Variants in BNC2 observed in about 807,000 individuals in gnomAD.
BNC2 encodes the protein zinc finger protein basonuclin-2.
A neutral mutation model predicts 76.3 loss-of-function variants in BNC2; 20 were observed. That is an observed-to-expected ratio of 0.26 (90% CI 0.18 to 0.38). BNC2 has a LOEUF of 0.38. BNC2 is among the 10% of genes least tolerant of loss of function. BNC2 has a pLI of 1.00. For missense variants in BNC2, 1,382 were observed against 1,399.8 expected (o/e 0.99, Z 0.20); for synonymous variants, 582 against 514.8 (o/e 1.13, Z -1.77).
intron 4 of BNC2, among the ~76,000 whole-genome samples, chr9:16,570,201 A>C (rs957338551): frequency 3.3e-5 from 5 of 152,194 alleles, no homozygotes; most frequent in African/African-American, 4.8e-5. Context: ...TTAAACTATC[A>C]CATGTGAAAA....
At chr9:16,451,951 G>T (rs1204011932) in intron 5 of BNC2, among the ~76,000 whole-genome samples, 2 of 152,140 alleles carry the variant, frequency 1.3e-5, no homozygotes, top group Non-Finnish European at 2.9e-5. Context: ...TACATAGAAG[G>T]AAATTAACAA....
At chr9:16,610,895 CACTT>C (rs1220346479) in intron 3 of BNC2, among the ~76,000 whole-genome samples, 1 of 152,156 alleles carries the variant, frequency 6.6e-6, no homozygotes, top group Admixed American at 6.5e-5. Context: ...AAGTAGCTGT[CACTT>C]AGGCTGCCAC....
intron 4 of BNC2, among the ~76,000 whole-genome samples, chr9:16,559,893 G>C (rs1237865327): frequency 6.6e-6 from 1 of 152,218 alleles, no homozygotes; most frequent in African/African-American, 2.4e-5. Flanking sequence ...TTCAAAAGCA[G>C]ACAGATGTAG....
At chr9:16,435,179 T>C (rs1820980681) in intron 6 of BNC2, 2 of 390,730 alleles carry the variant, frequency 5.1e-6, no homozygotes, top group East Asian at 7.6e-5. Flanking sequence ...GAAATATAAA[T>C]ATATAAATAT....
At chr9:16,480,303 T>C (rs746590043) in intron 5 of BNC2, among the ~76,000 whole-genome samples, 2 of 152,186 alleles carry the variant, frequency 1.3e-5, no homozygotes, top group African/African-American at 2.4e-5. Flanking sequence ...GAAAACCCAA[T>C]CTGTTAAATC....
At chr9:16,530,555 T>C (rs1817945211) in intron 5 of BNC2, among the ~76,000 whole-genome samples, 1 of 152,188 alleles carries the variant, frequency 6.6e-6, no homozygotes, top group African/African-American at 2.4e-5. Context: ...AACATGATAT[T>C]ATGCTGAGAA....
At position 16,419,349 on chromosome 9, in the gene BNC2, G is replaced by A. The variant is rs758600271; in HGVS notation, c.2940C>T (p.Ser980=). The A allele has an allele frequency of 3.0e-5, 49 of 1,610,092 alleles. No homozygotes were observed. The highest frequency in any genetic ancestry group is 2.4e-4 in the South Asian group (22 of 90,662). The change falls in exon 7 of 7, where the codon TCC becomes TCT. Residue 980 remains serine (S), a synonymous_variant. Coordinates refer to ENST00000380672, the MANE Select transcript of BNC2 (RefSeq NM_017637.6). The part of the protein sequence containing the change: ...SSSSIHSSRE[S]DAGSDEGILL... ...GAATCCCCTCATCGCTGCCTGCGTC[G>A]GATTCTCTGGAGGAATGGATACTGC...
chr9:16,796,452 C>A, intron 1 of BNC2, among the ~76,000 whole-genome samples: 1 of 151,816 alleles, frequency 6.6e-6, no homozygotes, highest in East Asian at 1.9e-4. Flanking sequence ...GTATAGGAGA[C>A]TGCTTAATAA....
At chr9:16,656,433 G>C (rs1456346518) in intron 3 of BNC2, among the ~76,000 whole-genome samples, 1 of 152,156 alleles carries the variant, frequency 6.6e-6, no homozygotes, top group Non-Finnish European at 1.5e-5. Flanking sequence ...ACCAGTAGGA[G>C]AAACAGCCTC....
At chr9:16,595,286 A>G (rs1419106603) in intron 3 of BNC2, among the ~76,000 whole-genome samples, 2 of 152,160 alleles carry the variant, frequency 1.3e-5, no homozygotes, top group Non-Finnish European at 1.5e-5. Flanking sequence ...CTCTGATTAT[A>G]AAAGAATATG....
rs961020032 is a variant in BNC2 at position 16,774,506 on chromosome 9, G to A, written c.4-36021C>T. 6.6e-5 allele frequency among the ~76,000 whole-genome samples: 10 copies of A among 152,192 alleles called. No individual in the cohort carries two copies. In the South Asian group the frequency reaches 8.3e-4, roughly 13 times the overall value. The stretch of plus-strand genomic sequence containing the variant: ...TAGCTTGTGCTGTAGCTCAGGCTTC[G>A]AAAGACATTTGGAATATCTATGATT... On this transcript the variant is annotated intron_variant, in intron 1 of 6. Coordinates refer to ENST00000380672, the MANE Select transcript of BNC2 (RefSeq NM_017637.6).
chr9:16,869,516 G>A (rs1819624007), intron 1 of BNC2, among the ~76,000 whole-genome samples: 1 of 152,130 alleles, frequency 6.6e-6, no homozygotes, highest in Admixed American at 6.6e-5. Flanking sequence ...ACATTAGGGA[G>A]CAGGGAAGAG....
intron 4 of BNC2, among the ~76,000 whole-genome samples, chr9:16,575,569 A>C (rs1015538783): frequency 1.3e-5 from 2 of 152,242 alleles, no homozygotes; most frequent in Non-Finnish European, 2.9e-5. Flanking sequence ...TCAGAGACAC[A>C]ATAAGAAAAT....
intron 1 of BNC2, among the ~76,000 whole-genome samples, chr9:16,868,885 C>T (rs142281417): frequency 6.6e-6 from 1 of 152,288 alleles, no homozygotes; most frequent in Non-Finnish European, 1.5e-5. Flanking sequence ...ATCAGACACA[C>T]TAAGTAACGT....
intron 4 of BNC2, among the ~76,000 whole-genome samples, chr9:16,569,262 A>G (rs1563843708): frequency 6.6e-6 from 1 of 152,038 alleles, no homozygotes; most frequent in Non-Finnish European, 1.5e-5. Flanking sequence ...TACATGAGGG[A>G]TAATGTATAA....
chr9:16,666,322 G>C (rs1341376940), intron 3 of BNC2, among the ~76,000 whole-genome samples: 3 of 152,110 alleles, frequency 2.0e-5, no homozygotes, highest in Admixed American at 6.6e-5. Flanking sequence ...GCATTCCCTT[G>C]ATCTCTGCTA....
At chr9:16,807,230 TG>T (rs1475371035) in intron 1 of BNC2, among the ~76,000 whole-genome samples, 1 of 152,216 alleles carries the variant, frequency 6.6e-6, no homozygotes, top group Non-Finnish European at 1.5e-5. Flanking sequence ...GATCTCTTTA[TG>T]ACTAGAATGA....
intron 4 of BNC2, among the ~76,000 whole-genome samples, chr9:16,557,844 GT>G (rs111731772): frequency 0.066 from 9,643 of 145,844 alleles, 598 homozygotes; most frequent in South Asian, 0.19. Flanking sequence ...TTTCTTTTCT[GT>G]TTTTTTTTTG....
At chr9:16,580,248 C>T in intron 4 of BNC2, 1 of 398,090 alleles carries the variant, frequency 2.5e-6, no homozygotes, top group Non-Finnish European at 4.4e-6. Flanking sequence ...GAGGCCAACC[C>T]CTCACTGCTG....
Sources: allele counts gnomAD v4.1 joint callset (sites outside exome capture counted in the v4.1 genomes callset), GRCh38; gene constraint gnomAD v4.1.1; transcripts MANE v1.5; gene names NCBI Gene and HGNC (gene_info 2026-07-23, HGNC 2026-07-21).